PI4KA: variants seen among roughly 807,000 people sequenced by gnomAD.
The protein encoded by PI4KA is phosphatidylinositol 4-kinase alpha.
PI4KA carries 122 observed loss-of-function variants against 271.4 expected under a neutral mutation model. The ratio of observed to expected loss-of-function variants is 0.45; its 90% CI spans 0.39 to 0.52. PI4KA has a LOEUF of 0.52. PI4KA is among the 20% of genes least tolerant of loss of function. PI4KA has a pLI of 0.00. For missense variants in PI4KA, 1,969 were observed against 2,769.1 expected (o/e 0.71, Z 6.48); for synonymous variants, 1,041 against 1,078.8 (o/e 0.96, Z 0.69).
intron 3 of PI4KA, among the ~76,000 whole-genome samples, chr22:20,830,779 TTC>T (rs1221941361): frequency 6.6e-6 from 1 of 152,146 alleles, no homozygotes; most frequent in African/African-American, 2.4e-5. Context: ...TTGTTGTTTG[TTC>T]TTTTTTTGAG....
rs1279457820 is a variant in PI4KA, at chr22:20,729,469, G to A, written c.4526C>T (p.Pro1509Leu). 5.0e-6 allele frequency: 8 copies of A among 1,608,298 alleles called. No individual in the cohort carries two copies. Among genetic ancestry groups the A allele is most frequent in the East Asian group, 2.2e-5 (1 of 44,576 alleles). Residue 1509 changes from proline to leucine, a missense_variant, in exon 39 of 55, where the codon CCG (proline) becomes CTG (leucine). This residue lies in a region of PI4KA where 388 missense variants were observed against 521.5 expected (regional missense o/e 0.74). Transcript: ENST00000255882. ...EIERLITWYN[P>L]LSAPELELDQ... ...TAGTTCCAGTTCCGGGGCTGACAGC[G>A]GGTTGTACCATGTGATGAGACGCTC...
At chr22:20,818,357 G>A in intron 7 of PI4KA, 126 bp downstream of exon 7, 1 of 581,614 alleles carries the variant, frequency 1.7e-6, no homozygotes, top group Non-Finnish European at 3.0e-6. Flanking sequence ...CTTCCTAAAA[G>A]CTTGGCACTC....
chr22:20,710,650 C>T (rs372327356), intron 52 of PI4KA, 49 bp downstream of exon 52: 15 of 1,576,510 alleles, frequency 9.5e-6, no homozygotes, highest in South Asian at 6.8e-5. Flanking sequence ...GATCTCAGAA[C>T]GTTCCACACA....
intron 19 of PI4KA, among the ~76,000 whole-genome samples, chr22:20,789,457 G>A (rs976587853): frequency 5.3e-5 from 8 of 152,180 alleles, no homozygotes; most frequent in African/African-American, 1.7e-4. Flanking sequence ...AGCCTCCCGA[G>A]TAGCTGGGAC....
At chr22:20,796,450 C>CA in intron 17 of PI4KA, 136 bp from the exon 18 acceptor site, 1 of 700,050 alleles carries the variant, frequency 1.4e-6, no homozygotes, top group Admixed American at 2.7e-5. Context: ...GTCTGTAAAC[C>CA]AAAGAACTCT....
At chr22:20,823,833 T>C (rs1923025696) in intron 4 of PI4KA, among the ~76,000 whole-genome samples, 1 of 152,044 alleles carries the variant, frequency 6.6e-6, no homozygotes, top group African/African-American at 2.4e-5. Context: ...CTCAGCTACT[T>C]GGGAGTCTTA....
rs968119803 is a variant in PI4KA at position 20,829,362 on chromosome 22, T to C, written c.368-4948A>G. On this transcript the variant is annotated intron_variant, in intron 3 of 54. Transcript: ENST00000255882. ...GTTATTTGTCTGTTCAGGGATTCAATTTCTTCTGGGTTTAGTCTTGGTAGG... is the reference window on the plus strand; with the variant it reads ...GTTATTTGTCTGTTCAGGGATTCAACTTCTTCTGGGTTTAGTCTTGGTAGG... Among the ~76,000 whole-genome samples, 8 of 152,170 alleles carry C rather than the reference T, an allele frequency of 5.3e-5. No homozygotes were observed. The South Asian group carries it at 1.2e-3, about 24-fold the overall frequency.
At chr22:20,754,409 C>T (rs1047664126) in intron 23 of PI4KA, among the ~76,000 whole-genome samples, 6 of 152,120 alleles carry the variant, frequency 3.9e-5, no homozygotes, top group Non-Finnish European at 7.4e-5. Context: ...TCTTTAGAAG[C>T]AAGTCACTAA....
intron 19 of PI4KA, among the ~76,000 whole-genome samples, chr22:20,785,583 T>C (rs1277310474): frequency 2.6e-5 from 4 of 152,232 alleles, no homozygotes; most frequent in African/African-American, 7.2e-5. Context: ...ATATTCAGCA[T>C]TGTCTAGTAT....
intron 32 of PI4KA, among the ~76,000 whole-genome samples, chr22:20,739,086 C>T (rs1929082442): frequency 6.6e-6 from 1 of 150,484 alleles, no homozygotes; most frequent in Non-Finnish European, 1.5e-5. Context: ...TGGCTCACGC[C>T]TAAAATCCCA....
chr22:20,709,842 T>C (rs1925015936), intron 53 of PI4KA, 66 bp downstream of exon 53: 11 of 905,854 alleles, frequency 1.2e-5, no homozygotes, highest in African/African-American at 5.0e-5. Flanking sequence ...GTACCTATCT[T>C]GGATGGAGCC....
chr22:20,824,732 TCACACACACACACACACACACACACA>T (rs361914), intron 3 of PI4KA, among the ~76,000 whole-genome samples: 19 of 136,220 alleles, frequency 1.4e-4, no homozygotes, highest in Non-Finnish European at 2.1e-4. Context: ...ATGTGATAAA[TCACACACACACACACACACACACACA>T]CACACACACA....
chr22:20,750,973 G>A (rs1189266221), intron 27 of PI4KA, among the ~76,000 whole-genome samples: 1 of 152,212 alleles, frequency 6.6e-6, no homozygotes, highest in East Asian at 1.9e-4. Context: ...ATGCTTGTGC[G>A]ACGCAGACTC....
At chr22:20,803,721 G>A (rs761775500) in intron 12 of PI4KA, among the ~76,000 whole-genome samples, 1 of 151,760 alleles carries the variant, frequency 6.6e-6, no homozygotes, top group African/African-American at 2.4e-5. Flanking sequence ...TTGTGCAGAC[G>A]GAGTCTCACT....
chr22:20,761,093 G>C (rs1410877077), intron 23 of PI4KA, among the ~76,000 whole-genome samples: 1 of 152,230 alleles, frequency 6.6e-6, no homozygotes, highest in Non-Finnish European at 1.5e-5. Context: ...TAGTGGGCTA[G>C]AATGACCATC....
intron 19 of PI4KA, among the ~76,000 whole-genome samples, chr22:20,772,152 T>C (rs938506678): frequency 2.0e-5 from 3 of 152,224 alleles, no homozygotes; most frequent in South Asian, 2.1e-4. Flanking sequence ...AACAACCTCA[T>C]GCAGTAGGTG....
chr22:20,779,778 G>A (rs139118976), intron 19 of PI4KA: 12 of 1,614,088 alleles, frequency 7.4e-6, no homozygotes, highest in Admixed American at 1.7e-5. Context: ...CATAGCACCC[G>A]TTGGCATTTC....
At chr22:20,747,501 G>T in intron 29 of PI4KA, 82 bp downstream of exon 29, 2 of 1,481,572 alleles carry the variant, frequency 1.3e-6, no homozygotes, top group South Asian at 2.5e-5. Context: ...CATGAAAAGC[G>T]ACAGCCGAGC....
intron 36 of PI4KA, among the ~76,000 whole-genome samples, chr22:20,731,089 G>A (rs1031306690): frequency 1.3e-5 from 2 of 152,272 alleles, no homozygotes; most frequent in South Asian, 4.1e-4. Context: ...TGGGGTGGGA[G>A]AATTGCTTGC....
Sources: allele counts gnomAD v4.1 joint callset (sites outside exome capture counted in the v4.1 genomes callset), GRCh38; gene constraint gnomAD v4.1.1; regional missense constraint gnomAD v4.1.1; transcripts MANE v1.5; gene names NCBI Gene and HGNC (gene_info 2026-07-23, HGNC 2026-07-21).